The following IL1RAPL1 variants were observed in gnomAD, a reference collection of about 807,000 sequenced individuals.
IL1RAPL1 encodes the protein interleukin-1 receptor accessory protein-like 1.
IL1RAPL1 carries 3 observed loss-of-function variants against 48.4 expected under a neutral mutation model. That is an observed-to-expected ratio of 0.06 (90% CI 0.03 to 0.16). The LOEUF is 0.16. IL1RAPL1 is among the 10% of genes least tolerant of loss of function. The pLI is 1.00. For missense variants in IL1RAPL1, 349 were observed against 530.6 expected (o/e 0.66, Z 3.36); for synonymous variants, 185 against 187.7 (o/e 0.99, Z 0.12).
Position 29,550,277 on chromosome X carries a change from C to T in IL1RAPL1, c.704-118153C>T, listed in dbSNP as rs1364203211. ...CGGGATCTCGGCTCACTGCAAGCTCCGCCTCCCGGGTTCACGCCATTCTCC... is the reference window on the plus strand; with the variant it reads ...CGGGATCTCGGCTCACTGCAAGCTCTGCCTCCCGGGTTCACGCCATTCTCC... On this transcript the variant is annotated intron_variant, in intron 5 of 10. Coordinates refer to ENST00000378993, the MANE Select transcript of IL1RAPL1 (RefSeq NM_014271.4). Among the ~76,000 whole-genome samples, 8 of 110,587 alleles carry T rather than the reference C, an allele frequency of 7.2e-5. No individual in the cohort carries two copies. The East Asian group carries it at 1.1e-3, about 16-fold the overall frequency.
intron 3 of IL1RAPL1, among the ~76,000 whole-genome samples, chrX:29,361,542 AAC>A (rs35694893): frequency 0.019 from 1,888 of 100,760 alleles, 32 homozygotes; most frequent in African/African-American, 0.061. Context: ...AACTACCTTA[AAC>A]ACACACACAC....
chrX:29,694,847 G>C (rs986328279), intron 6 of IL1RAPL1, among the ~76,000 whole-genome samples: 2 of 111,685 alleles, frequency 1.8e-5, no homozygotes, highest in Admixed American at 9.5e-5. Context: ...CAAACAGTCA[G>C]ACCATAACAG....
At chrX:28,855,627 A>G (rs1248689315) in intron 2 of IL1RAPL1, among the ~76,000 whole-genome samples, 5 of 111,240 alleles carry the variant, frequency 4.5e-5, no homozygotes, top group African/African-American at 6.5e-5. Context: ...AAAAACTTAT[A>G]TGCACTTATT....
chrX:28,618,896 G>A lies in IL1RAPL1; in HGVS notation c.-25+30849G>A, dbSNP rs976807820. On this transcript the variant is annotated intron_variant, in intron 1 of 10. Coordinates refer to ENST00000378993, the MANE Select transcript of IL1RAPL1 (RefSeq NM_014271.4). ...TGGTGAAGGGGAGGGTACTTACAGT[G>A]TGTGGAGTCACGGACTCAGCAAGAA... Among the ~76,000 whole-genome samples, 6 of 111,201 alleles carry A rather than the reference G, an allele frequency of 5.4e-5. No homozygotes were observed. The Admixed American group carries it at 5.7e-4, about 11-fold the overall frequency.
At chrX:29,716,696 G>T (rs575739108) in intron 6 of IL1RAPL1, among the ~76,000 whole-genome samples, 1 of 111,490 alleles carries the variant, frequency 9.0e-6, no homozygotes, top group East Asian at 2.8e-4. Flanking sequence ...TGAATTAAAC[G>T]TATTCCAAGT....
intron 5 of IL1RAPL1, among the ~76,000 whole-genome samples, chrX:29,489,419 G>A: frequency 9.0e-6 from 1 of 111,416 alleles, no homozygotes; most frequent in Non-Finnish European, 1.9e-5. Flanking sequence ...TGTAATGTTT[G>A]GTTAATTATA....
chrX:28,680,274 T>C (rs1288298533), intron 1 of IL1RAPL1, among the ~76,000 whole-genome samples: 1 of 111,752 alleles, frequency 8.9e-6, no homozygotes, highest in Non-Finnish European at 1.9e-5. Flanking sequence ...TTGTTGTCAG[T>C]AGATAGAAAT....
intron 5 of IL1RAPL1, among the ~76,000 whole-genome samples, chrX:29,533,866 C>A (rs1921128984): frequency 9.0e-6 from 1 of 111,728 alleles, no homozygotes. Flanking sequence ...GGAATGTGTT[C>A]CCACAAAGTT....
chrX:28,623,254 C>T (rs758514679), intron 1 of IL1RAPL1, among the ~76,000 whole-genome samples: 133 of 111,446 alleles, frequency 1.2e-3, no homozygotes, highest in Non-Finnish European at 1.9e-3. Context: ...AGCCGTTATA[C>T]TGTCTGTGCA....
At chrX:28,915,367 T>G (rs762364697) in intron 2 of IL1RAPL1, among the ~76,000 whole-genome samples, 1 of 111,604 alleles carries the variant, frequency 9.0e-6, no homozygotes, top group Non-Finnish European at 1.9e-5. Flanking sequence ...TAGGGAAGAT[T>G]ATAGGTCTAG....
intron 6 of IL1RAPL1, among the ~76,000 whole-genome samples, chrX:29,835,653 C>T (rs1475503447): frequency 5.4e-5 from 6 of 111,010 alleles, no homozygotes; most frequent in Non-Finnish European, 1.1e-4. Context: ...TTTTCTCTGA[C>T]GGGAGACATT....
chrX:29,074,319 A>T, intron 2 of IL1RAPL1, among the ~76,000 whole-genome samples: 1 of 111,534 alleles, frequency 9.0e-6, no homozygotes, highest in East Asian at 2.8e-4. Flanking sequence ...ATTTCCTAGG[A>T]TCTAAGCCCT....
At chrX:29,128,295 A>C (rs768631898) in intron 2 of IL1RAPL1, among the ~76,000 whole-genome samples, 12 of 110,936 alleles carry the variant, frequency 1.1e-4, no homozygotes, top group Admixed American at 8.6e-4. Context: ...ACCCAAACCC[A>C]TGGCCTACCA....
chrX:29,043,729 G>A (rs998201884), intron 2 of IL1RAPL1, among the ~76,000 whole-genome samples: 1 of 111,597 alleles, frequency 9.0e-6, no homozygotes. Context: ...TCCATTAAAA[G>A]AATAATAGCA....
At chrX:29,651,167 A>C (rs1925507190) in intron 5 of IL1RAPL1, among the ~76,000 whole-genome samples, 1 of 110,548 alleles carries the variant, frequency 9.0e-6, no homozygotes, top group Non-Finnish European at 1.9e-5. Context: ...CTTGTGCACT[A>C]TTGGTGAGAA....
chrX:28,862,929 G>A (rs1055985474), intron 2 of IL1RAPL1, among the ~76,000 whole-genome samples: 2 of 109,916 alleles, frequency 1.8e-5, no homozygotes, highest in East Asian at 2.9e-4. Context: ...TGCCCAGTCT[G>A]GAGTGCAGTG....
intron 3 of IL1RAPL1, among the ~76,000 whole-genome samples, chrX:29,331,321 C>T (rs1226569481): frequency 9.1e-6 from 1 of 110,494 alleles, no homozygotes; most frequent in African/African-American, 3.3e-5. Flanking sequence ...TGCTTGTGGC[C>T]ATTGCTCTGC....
chrX:29,771,908 C>T (rs1249732876), intron 6 of IL1RAPL1, among the ~76,000 whole-genome samples: 2 of 111,232 alleles, frequency 1.8e-5, no homozygotes, highest in African/African-American at 6.6e-5. Flanking sequence ...AGCAAGAGGA[C>T]GTCTTACATG....
At chrX:29,680,027 T>A (rs1421863831) in intron 6 of IL1RAPL1, among the ~76,000 whole-genome samples, 2 of 112,094 alleles carry the variant, frequency 1.8e-5, no homozygotes, top group Non-Finnish European at 3.8e-5. Context: ...CTCAAATAGA[T>A]GGCTCTTTCA....
Sources: allele counts gnomAD v4.1 joint callset (sites outside exome capture counted in the v4.1 genomes callset), GRCh38; gene constraint gnomAD v4.1.1; transcripts MANE v1.5; gene names NCBI Gene and HGNC (gene_info 2026-07-23, HGNC 2026-07-21).